The following GFI1B variants were observed in gnomAD, a reference collection of about 807,000 sequenced individuals.
GFI1B encodes the protein zinc finger protein Gfi-1b.
In GFI1B, 20 loss-of-function variants were observed where a neutral mutation model predicts 35.3. That is an observed-to-expected ratio of 0.57 (90% CI 0.40 to 0.82). The LOEUF (loss-of-function observed/expected upper bound fraction) is 0.82, where lower values mean the gene tolerates loss of function less well. GFI1B is among the 40% of genes least tolerant of loss of function. The pLI, the probability that GFI1B is intolerant of heterozygous loss-of-function variation, is 0.00. For missense variants in GFI1B, 430 were observed against 446.3 expected (o/e 0.96, Z 0.33); for synonymous variants, 178 against 177.6 (o/e 1.00, Z -0.02).
intron 1 of GFI1B, among the ~76,000 whole-genome samples, chr9:132,983,266 G>A (rs1223729963): frequency 7.2e-6 from 1 of 139,848 alleles, no homozygotes; most frequent in East Asian, 2.1e-4. Context: ...GTGTGATCTC[G>A]GCTCACTGCA....
In GFI1B at chr9:132,991,137, C is replaced by T; in HGVS notation, c.*87C>T. On this transcript the variant is annotated 3_prime_UTR_variant, in exon 7 of 7. Transcript: ENST00000372122. Reference sequence around the variant, plus strand: ...CCTCACATGCCCAAATCTCCAGTCTCCTGGAGGTGGGACTGGACAGGAGTC... The same window carrying T: ...CCTCACATGCCCAAATCTCCAGTCTTCTGGAGGTGGGACTGGACAGGAGTC... 1 of 1,232,202 alleles carries T rather than the reference C, an allele frequency of 8.1e-7. No individual in the cohort carries two copies. The highest frequency in any genetic ancestry group is 1.8e-5 in the Admixed American group (1 of 56,192). The allele number at this position is 1,232,202 out of a possible 1,614,324, so 76.3% of individuals were successfully genotyped here.
At chr9:132,948,950 C>T (rs527579959) in intron 1 of GFI1B, among the ~76,000 whole-genome samples, 4 of 152,102 alleles carry the variant, frequency 2.6e-5, no homozygotes, top group East Asian at 1.9e-4. Context: ...GTCAGGTGAG[C>T]GAGGAAGAGC....
chr9:132,989,992 G>C lies in GFI1B; in HGVS notation c.814+85G>C. Reference sequence around the variant, plus strand: ...GATGCATCAGAGGCCCCCAGCGTGAGGCTGGGGGCGGGGTCTAGTTACAAA... The same window carrying C: ...GATGCATCAGAGGCCCCCAGCGTGACGCTGGGGGCGGGGTCTAGTTACAAA... On this transcript the variant is annotated intron_variant, in intron 6 of 6. Transcript: ENST00000372122. The surrounding 1 kb of genome is among the most constrained non-coding windows in gnomAD (Gnocchi z 6.2). 1.3e-5 allele frequency: 16 copies of C among 1,213,278 alleles called. No homozygotes were observed. The highest frequency in any genetic ancestry group is 3.9e-5 in the Admixed American group (2 of 51,670). 75.2% of individuals were successfully genotyped at this position (1,213,278 alleles called of 1,614,324 possible). A position where few individuals can be genotyped will look rare whatever the true frequency, so the allele number is the denominator to read the frequency against.
Position 132,991,184 on chromosome 9 carries a change from A to G in GFI1B, c.*134A>G, listed in dbSNP as rs1393922448. ...AGTCTACCAGCTTGTTTTGAGACTCATGAAATTGCTGTGTGACCTTGGGCA... is the reference window on the plus strand; with the variant it reads ...AGTCTACCAGCTTGTTTTGAGACTCGTGAAATTGCTGTGTGACCTTGGGCA... On this transcript the variant is annotated 3_prime_UTR_variant, in exon 7 of 7. Transcript: ENST00000372122. 3 of 791,592 alleles carry G rather than the reference A, an allele frequency of 3.8e-6. No individual in the cohort carries two copies. Among genetic ancestry groups the G allele is most frequent in the Non-Finnish European group, 6.3e-6 (3 of 477,180 alleles). The allele number at this position is 791,592 out of a possible 1,614,324, so 49.0% of individuals were successfully genotyped here. A position where few individuals can be genotyped will look rare whatever the true frequency, so the allele number is the denominator to read the frequency against.
upstream of GFI1B, chr9:132,976,612 C>A (rs1848638975): frequency 6.6e-6 from 1 of 152,110 alleles, no homozygotes; most frequent in Non-Finnish European, 1.5e-5. Context: ...GTGCAAATAT[C>A]TCTTCGATTC....
At chr9:132,992,610 T>C (rs934120405), downstream of GFI1B, among the ~76,000 whole-genome samples, 1 of 152,182 alleles carries the variant, frequency 6.6e-6, no homozygotes, top group South Asian at 2.1e-4. Flanking sequence ...ACATTCCTTT[T>C]TGAAGTCCTG....
intron 1 of GFI1B, among the ~76,000 whole-genome samples, chr9:132,963,489 T>A (rs912281930): frequency 9.2e-4 from 128 of 138,390 alleles, no homozygotes; most frequent in African/African-American, 3.1e-3. Flanking sequence ...TCAAAAAAAT[T>A]ATTATTATTA....
chr9:132,990,632 C>T (rs1473037456), intron 6 of GFI1B, among the ~76,000 whole-genome samples: 1 of 152,266 alleles, frequency 6.6e-6, no homozygotes, highest in Non-Finnish European at 1.5e-5. Context: ...TATTGATAAA[C>T]AAGATGACTC....
At chr9:132,959,872 C>G (rs1848339005) in intron 1 of GFI1B, among the ~76,000 whole-genome samples, 1 of 152,180 alleles carries the variant, frequency 6.6e-6, no homozygotes, top group East Asian at 1.9e-4. Context: ...TCTTATGAGA[C>G]CCCAGGCATT....
intron 1 of GFI1B, chr9:132,946,617 A>C (rs898810939): frequency 6.6e-5 from 10 of 152,198 alleles, no homozygotes; most frequent in African/African-American, 2.4e-4. Context: ...TTCCCTTTGC[A>C]TTCACACCAG....
chr9:132,972,444 G>T (rs779907812), intron 1 of GFI1B, among the ~76,000 whole-genome samples: 1 of 151,896 alleles, frequency 6.6e-6, no homozygotes, highest in Non-Finnish European at 1.5e-5. Context: ...ACAAAAATTA[G>T]CTGGGTGTGG....
intron 1 of GFI1B, among the ~76,000 whole-genome samples, chr9:132,956,254 CA>C (rs1848281951): frequency 6.6e-6 from 1 of 152,142 alleles, no homozygotes; most frequent in South Asian, 2.1e-4. Context: ...TTTCTTCTTC[CA>C]AAGAAAAGCT....
At chr9:132,982,460 G>A (rs1352999777) in intron 1 of GFI1B, among the ~76,000 whole-genome samples, 1 of 152,166 alleles carries the variant, frequency 6.6e-6, no homozygotes, top group Non-Finnish European at 1.5e-5. Flanking sequence ...TCTTCAAGAA[G>A]CACTGACTGA....
intron 1 of GFI1B, among the ~76,000 whole-genome samples, chr9:132,982,033 G>A (rs1483114129): frequency 1.3e-5 from 2 of 152,200 alleles, no homozygotes; most frequent in East Asian, 1.9e-4. Flanking sequence ...GATTACAGGC[G>A]TGAGCCACCA....
At chr9:132,973,083 G>T (rs2132612067) in intron 2 of GFI1B, among the ~76,000 whole-genome samples, 1 of 152,340 alleles carries the variant, frequency 6.6e-6, no homozygotes, top group East Asian at 1.9e-4. Context: ...ATGCCCAGCC[G>T]GCTCTCTGGG....
intron 1 of GFI1B, among the ~76,000 whole-genome samples, chr9:132,984,541 C>T (rs1399561167): frequency 2.0e-5 from 3 of 152,164 alleles, no homozygotes; most frequent in Admixed American, 6.5e-5. Flanking sequence ...CTGCTGCAGC[C>T]CTTGGCACAG....
chr9:132,965,490 T>A (rs1045817694), intron 1 of GFI1B, among the ~76,000 whole-genome samples: 17 of 152,256 alleles, frequency 1.1e-4, no homozygotes, highest in Non-Finnish European at 4.4e-5. Context: ...AATGTGACCG[T>A]ATTTGGGAAA....
chr9:132,989,278 G>A lies in GFI1B; in HGVS notation c.648+80G>A. 7.0e-7 allele frequency: 1 copy of A among 1,426,384 alleles called. No homozygotes were observed. Among genetic ancestry groups the A allele is most frequent in the Non-Finnish European group, 9.8e-7 (1 of 1,024,108 alleles). 88.4% of individuals were successfully genotyped at this position (1,426,384 alleles called of 1,614,324 possible). A position where few individuals can be genotyped will look rare whatever the true frequency, so the allele number is the denominator to read the frequency against. On this transcript the variant is annotated intron_variant, in intron 5 of 6. Coordinates refer to ENST00000372122, the MANE Select transcript of GFI1B (RefSeq NM_001377304.1). The surrounding 1 kb of genome is among the most constrained non-coding windows in gnomAD (Gnocchi z 6.2). ...CCAGGGAGCCTGGGGGCTGTGGCTG[G>A]GTCCCTCCCCCTGCCCCTGGGGGTG...
chr9:132,971,318 C>T (rs554435263), intron 1 of GFI1B, among the ~76,000 whole-genome samples: 6 of 152,318 alleles, frequency 3.9e-5, no homozygotes, highest in African/African-American at 1.4e-4. Context: ...CTGACTCCCA[C>T]CCAAGTTCCC....
Sources: allele counts gnomAD v4.1 joint callset (sites outside exome capture counted in the v4.1 genomes callset), GRCh38; gene constraint gnomAD v4.1.1; non-coding constraint Gnocchi (gnomAD v3.1); transcripts MANE v1.5; gene names NCBI Gene and HGNC (gene_info 2026-07-23, HGNC 2026-07-21).